PLCG2: variants seen among roughly 807,000 people sequenced by gnomAD.
PLCG2 encodes the protein 1-phosphatidylinositol 4,5-bisphosphate phosphodiesterase gamma-2.
PLCG2 carries 69 observed loss-of-function variants against 175.6 expected under a neutral mutation model. The observed-to-expected ratio is 0.39, with a 90% CI of 0.32 to 0.48. The LOEUF is 0.48. Ranked by LOEUF, PLCG2 falls within the 20% of genes least tolerant of loss-of-function variation. The probability of loss-of-function intolerance (pLI) is 0.91; values close to 1 mark genes in which losing one functional copy is unlikely to be tolerated. For synonymous variants in PLCG2, 827 were observed against 624.0 expected (o/e 1.33, Z -4.85); for missense variants, 1,798 against 1,650.9 (o/e 1.09, Z -1.54).
At chr16:81,939,108 C>A (rs1169011831) in intron 29 of PLCG2, among the ~76,000 whole-genome samples, 193 bp downstream of exon 29, 1 of 152,078 alleles carries the variant, frequency 6.6e-6, no homozygotes, top group Non-Finnish European at 1.5e-5. Flanking sequence ...TTAGACTTTC[C>A]CCAGTGCTGT....
intron 2 of PLCG2, among the ~76,000 whole-genome samples, chr16:81,763,477 C>G (rs1910081747): frequency 6.6e-6 from 1 of 152,230 alleles, no homozygotes; most frequent in Non-Finnish European, 1.5e-5. Flanking sequence ...CTCTCACGGC[C>G]TGTGCCTGGG....
At chr16:81,939,021 G>C in intron 29 of PLCG2, 106 bp downstream of exon 29, 1 of 682,904 alleles carries the variant, frequency 1.5e-6, no homozygotes, top group Non-Finnish European at 2.6e-6. Context: ...GTTGTCCCAG[G>C]GTTTTCTTTC....
chr16:81,908,434 C>G lies in PLCG2; in HGVS notation c.1576C>G (p.Leu526Val). ...EVPQDIPPTE[L>V]HFGEKWFHKK... ...GGCCCAGGATATACCCCCTACAGAA[C>G]TACATTTTGGGGAGAAATGGTTCCA... Residue 526 changes from leucine to valine, a missense_variant, in exon 17 of 33, where the codon CTA becomes GTA. Leu to Val is a conservative substitution (Grantham distance 32). Transcript: ENST00000564138. The G allele has an allele frequency of 6.2e-7, 1 of 1,614,034 alleles. No homozygotes were observed. The highest frequency in any genetic ancestry group is 1.7e-5 in the Admixed American group (1 of 60,008).
chr16:81,810,523 T>C (rs755327526), intron 2 of PLCG2, among the ~76,000 whole-genome samples: 5 of 152,246 alleles, frequency 3.3e-5, no homozygotes, highest in Non-Finnish European at 5.9e-5. Flanking sequence ...GGGTCACCCA[T>C]TCACACATGC....
At chr16:81,800,033 C>G (rs552557497) in intron 2 of PLCG2, among the ~76,000 whole-genome samples, 51 of 152,278 alleles carry the variant, frequency 3.3e-4, no homozygotes, top group Middle Eastern at 3.4e-3. Flanking sequence ...TGGCCATGGA[C>G]AAGTTACTTA....
chr16:81,923,875 A>G (rs751333539), intron 22 of PLCG2, among the ~76,000 whole-genome samples: 2 of 152,206 alleles, frequency 1.3e-5, no homozygotes, highest in Non-Finnish European at 2.9e-5. Context: ...TCTAAGTGGC[A>G]AGCAGTCTGC....
At chr16:81,782,876 T>G (rs1386889318) in intron 1 of PLCG2, among the ~76,000 whole-genome samples, 1 of 152,254 alleles carries the variant, frequency 6.6e-6, no homozygotes, top group Admixed American at 6.5e-5. Flanking sequence ...TACAGTGTTT[T>G]CAAAGGAACG....
chr16:81,839,311 T>C (rs918792806), intron 2 of PLCG2, among the ~76,000 whole-genome samples: 5 of 152,094 alleles, frequency 3.3e-5, no homozygotes, highest in Admixed American at 1.3e-4. Flanking sequence ...TAATGTCATA[T>C]GGCTCCAAAC....
intron 2 of PLCG2, among the ~76,000 whole-genome samples, chr16:81,790,439 C>G (rs903991157): frequency 4.6e-5 from 7 of 152,240 alleles, no homozygotes; most frequent in Non-Finnish European, 1.0e-4. Context: ...CTCCCTCACA[C>G]CTTGAGAGAG....
chr16:81,901,265 A>G (rs1909140007), intron 14 of PLCG2, among the ~76,000 whole-genome samples: 1 of 152,332 alleles, frequency 6.6e-6, no homozygotes, highest in Middle Eastern at 3.4e-3. Context: ...GAGTGCAGCA[A>G]TAGAGCTGAT....
intron 26 of PLCG2, chr16:81,935,740 C>G: frequency 1.0e-6 from 1 of 985,362 alleles, no homozygotes; most frequent in Non-Finnish European, 1.2e-6. Context: ...ACCCACATTG[C>G]AACCCTACCT....
At chr16:81,813,028 G>A (rs1904385377) in intron 2 of PLCG2, among the ~76,000 whole-genome samples, 1 of 152,138 alleles carries the variant, frequency 6.6e-6, no homozygotes, top group African/African-American at 2.4e-5. Context: ...TGTTGCAATG[G>A]TCTGTATATC....
intron 2 of PLCG2, among the ~76,000 whole-genome samples, chr16:81,828,923 T>C (rs1186996155): frequency 6.6e-6 from 1 of 152,118 alleles, no homozygotes; most frequent in African/African-American, 2.4e-5. Context: ...CCAACTGCAT[T>C]CTGATTTTAC....
At chr16:81,774,693 G>C (rs1910361613), upstream of PLCG2, among the ~76,000 whole-genome samples, 2 of 152,104 alleles carry the variant, frequency 1.3e-5, no homozygotes, top group African/African-American at 4.8e-5. Context: ...TTTGGAGGTG[G>C]TGGTGGAGGA....
intron 1 of PLCG2, among the ~76,000 whole-genome samples, chr16:81,782,810 C>A (rs1195084223): frequency 6.6e-6 from 1 of 152,192 alleles, no homozygotes; most frequent in Non-Finnish European, 1.5e-5. Context: ...GCCCCTCCAA[C>A]AGTTGAATGG....
intron 2 of PLCG2, among the ~76,000 whole-genome samples, chr16:81,820,392 T>G (rs930772552): frequency 1.3e-5 from 2 of 152,224 alleles, no homozygotes; most frequent in Non-Finnish European, 2.9e-5. Context: ...TTCCTTGGTT[T>G]TAGAATTTCA....
chr16:81,745,484 A>G (rs1390549777), intron 1 of PLCG2, among the ~76,000 whole-genome samples: 2 of 152,212 alleles, frequency 1.3e-5, no homozygotes, highest in Non-Finnish European at 2.9e-5. Context: ...AACAACCGAG[A>G]TAACATGGAC....
chr16:81,763,795 C>A (rs1312351164), intron 2 of PLCG2, among the ~76,000 whole-genome samples: 1 of 151,410 alleles, frequency 6.6e-6, no homozygotes, highest in East Asian at 1.9e-4. Context: ...GGTGAAACCC[C>A]ATCTCTACTA....
At chr16:81,805,585 A>G (rs1911966990) in intron 2 of PLCG2, among the ~76,000 whole-genome samples, 2 of 151,508 alleles carry the variant, frequency 1.3e-5, no homozygotes. Context: ...CAACCCAATT[A>G]AAAAGTGGGC....
Sources: gnomAD v4.1 joint callset for allele counts (sites outside exome capture counted in the v4.1 genomes callset) on GRCh38, gnomAD v4.1.1 for gene constraint, MANE v1.5 for transcripts, NCBI Gene and HGNC (gene_info 2026-07-23, HGNC 2026-07-21) for gene names.